Variants in MRAP observed in about 807,000 individuals in gnomAD.
The protein encoded by MRAP is melanocortin 2 receptor accessory protein.
MRAP carries 8 observed loss-of-function variants against 8.7 expected under a neutral mutation model. The ratio of observed to expected loss-of-function variants is 0.92; its 90% CI spans 0.54 to 1.66. MRAP has a LOEUF of 1.66. MRAP is among the 40% of genes most tolerant of loss of function. The pLI is 0.00. For synonymous variants in MRAP, 95 were observed against 95.5 expected (o/e 1.00, Z 0.03); for missense variants, 237 against 217.1 (o/e 1.09, Z -0.58).
intron 2 of MRAP, among the ~76,000 whole-genome samples, chr21:32,307,576 CAAAA>C (rs1175455972): frequency 6.6e-5 from 4 of 60,392 alleles, no homozygotes; most frequent in Admixed American, 1.9e-4. Flanking sequence ...GACTCCGTCT[CAAAA>C]AAAAAAAAAA....
In MRAP at chr21:32,301,691, GAGT is replaced by G. The variant is rs372774706; in HGVS notation, c.106+2618_106+2620del. On this transcript the variant is annotated intron_variant, in intron 1 of 2. Transcript: ENST00000303645. ...AGAGTAGGATGGGCTGATTTCCCTT[GAGT>G]AGTGCCTGGCTTAATGCTCTATTAT... Among the ~76,000 whole-genome samples, 62 of 152,258 alleles carry G rather than the reference GAGT, an allele frequency of 4.1e-4. 1 individual carries two copies. Among genetic ancestry groups the G allele is most frequent in the Middle Eastern group, 6.8e-3 (2 of 294 alleles).
intron 1 of MRAP, among the ~76,000 whole-genome samples, chr21:32,300,998 TGATATG>T (rs922677490): frequency 1.9e-4 from 26 of 140,422 alleles, no homozygotes; most frequent in African/African-American, 6.3e-4. Context: ...TCATGATATA[TGATATG>T]ATGATATATC....
chr21:32,303,818 G>T (rs989525850), intron 1 of MRAP, among the ~76,000 whole-genome samples: 6 of 152,242 alleles, frequency 3.9e-5, no homozygotes, highest in African/African-American at 1.4e-4. Context: ...AGAGGAAAAA[G>T]AATGATATTC....
Position 32,299,048 on chromosome 21 carries a change from T to C in MRAP, c.77T>C (p.Val26Ala). The change falls in exon 1 of 3, where the codon GTG becomes GCG. Residue 26 changes from valine to alanine, a missense_variant. Physicochemically the swap from Val to Ala is moderately conservative, Grantham distance 64. Coordinates refer to ENST00000303645, the MANE Select transcript of MRAP (RefSeq NM_001379228.1). ...YYLDYLDLIP[V>A]DEKKLKAHKH... is the part of the protein sequence containing the mutation. ...CTGGACTATCTGGACCTCATTCCCG[T>C]GGACGAGAAGAAGCTGAAAGCCCAC... 6.2e-7 allele frequency: 1 copy of C among 1,614,112 alleles called. No homozygotes were observed. The highest frequency in any genetic ancestry group is 8.5e-7 in the Non-Finnish European group (1 of 1,179,986).
rs2032424717 is a variant in MRAP at position 32,306,641 on chromosome 21, T to A, written c.108T>A (p.His36Gln). 1 of 1,613,958 alleles carries A rather than the reference T, an allele frequency of 6.2e-7. No homozygotes were observed. Among genetic ancestry groups the A allele is most frequent in the Non-Finnish European group, 8.5e-7 (1 of 1,179,850 alleles). ...GAGATGCATCTCCTCCTCCCGCAGA[T>A]TCCATCGTGATCGCATTCTGGGTGA... ...VDEKKLKAHK[H>Q]SIVIAFWVSL... is the part of the protein sequence containing the mutation. Residue 36 changes from histidine (H) to glutamine (Q), a missense_variant and splice_region_variant, in exon 2 of 3, where the codon CAT (histidine) becomes CAA (glutamine). Physicochemically the swap from His to Gln is conservative, Grantham distance 24 (BLOSUM62 0). Transcript: ENST00000303645.
rs867621684 is a variant in MRAP at position 32,304,968 on chromosome 21, T to G, written c.107-1672T>G. Among the ~76,000 whole-genome samples the G allele has an allele frequency of 2.8e-3, 155 of 54,594 alleles. 1 individual carries two copies. Among genetic ancestry groups the G allele is most frequent in the African/African-American group, 6.1e-3 (130 of 21,402 alleles). 35.8% of individuals were successfully genotyped at this position (54,594 alleles called of 152,430 possible). On this transcript the variant is annotated intron_variant, in intron 1 of 2. Coordinates refer to ENST00000303645, the MANE Select transcript of MRAP (RefSeq NM_001379228.1). ...AGGGGGATTTGTTTTTTTTGTTGTT[T>G]TTTTTTTTTTTTTTTTTTTTTTGAG...
chr21:32,307,884 C>CAA (rs1400657568), intron 2 of MRAP, among the ~76,000 whole-genome samples: 1 of 151,896 alleles, frequency 6.6e-6, no homozygotes, highest in African/African-American at 2.4e-5. Context: ...AACAAACAAA[C>CAA]AAAAAGTTCT....
chr21:32,304,222 T>C (rs960978246), intron 1 of MRAP, among the ~76,000 whole-genome samples: 2 of 152,198 alleles, frequency 1.3e-5, no homozygotes, highest in African/African-American at 2.4e-5. Flanking sequence ...TGCACTCTTT[T>C]ACTGTAAGGG....
At position 32,303,504 on chromosome 21, in the gene MRAP, G is replaced by A. The variant is rs1242319843; in HGVS notation, c.107-3136G>A. On this transcript the variant is annotated intron_variant, in intron 1 of 2. Coordinates refer to ENST00000303645, the MANE Select transcript of MRAP (RefSeq NM_001379228.1). ...ACCATTCCTGTCACTCCGCTGCTGA[G>A]GACTAATTCCCCTCATTCCACCAGT... Among the ~76,000 whole-genome samples, 3 of 152,208 alleles carry A rather than the reference G, an allele frequency of 2.0e-5. No homozygotes were observed. The East Asian group carries it at 5.8e-4, about 29-fold the overall frequency.
chr21:32,298,931 G>T lies in MRAP; in HGVS notation c.-41G>T, dbSNP rs370249420. 2.0e-6 allele frequency: 3 copies of T among 1,481,604 alleles called. No individual in the cohort carries two copies. Among genetic ancestry groups the T allele is most frequent in the South Asian group, 2.3e-5 (2 of 87,896 alleles). The allele number at this position is 1,481,604 out of a possible 1,614,324, so 91.8% of individuals were successfully genotyped here. ...AGGGGCTTGGCGCCTGGCTCGAGGCGAGGCTGCCGGCCCGGACGCTGACTG... is the reference window on the plus strand; with the variant it reads ...AGGGGCTTGGCGCCTGGCTCGAGGCTAGGCTGCCGGCCCGGACGCTGACTG... On this transcript the variant is annotated 5_prime_UTR_variant, in exon 1 of 3. Transcript: ENST00000303645.
At chr21:32,310,661 T>C (rs1568801809) in intron 2 of MRAP, among the ~76,000 whole-genome samples, 1 of 151,826 alleles carries the variant, frequency 6.6e-6, no homozygotes, top group Non-Finnish European at 1.5e-5. Context: ...TTTCTTTTTT[T>C]TTTTGAGACT....
At chr21:32,303,897 C>T (rs1055610828) in intron 1 of MRAP, among the ~76,000 whole-genome samples, 3 of 152,148 alleles carry the variant, frequency 2.0e-5, no homozygotes, top group African/African-American at 7.2e-5. Context: ...TATTGGCTGA[C>T]GATTGCCTTT....
intron 2 of MRAP, among the ~76,000 whole-genome samples, chr21:32,308,215 A>T (rs1251113941): frequency 6.6e-6 from 1 of 151,966 alleles, no homozygotes; most frequent in African/African-American, 2.4e-5. Flanking sequence ...TCTACTGAAA[A>T]TATTTTTAAA....
chr21:32,312,105 C>T lies in MRAP; in HGVS notation c.*109C>T, dbSNP rs886065757. 3.8e-6 allele frequency: 6 copies of T among 1,575,344 alleles called. No individual in the cohort carries two copies. In the South Asian group the frequency reaches 5.7e-5, roughly 15 times the overall value. Reference sequence around the variant, plus strand: ...CCATTTGCATGTAGCAGAAAGGGCACCTAGGTCAAGTGCAACTAGAGCAGG... The same window carrying T: ...CCATTTGCATGTAGCAGAAAGGGCATCTAGGTCAAGTGCAACTAGAGCAGG... On this transcript the variant is annotated 3_prime_UTR_variant, in exon 3 of 3. Coordinates refer to ENST00000303645, the MANE Select transcript of MRAP (RefSeq NM_001379228.1).
intron 1 of MRAP, among the ~76,000 whole-genome samples, chr21:32,304,243 G>A (rs1404454743): frequency 1.3e-5 from 2 of 152,180 alleles, no homozygotes; most frequent in East Asian, 1.9e-4. Flanking sequence ...TTGTAAAATA[G>A]ATTGTAACTC....
chr21:32,304,238 A>C (rs1271088639), intron 1 of MRAP, among the ~76,000 whole-genome samples: 1 of 152,222 alleles, frequency 6.6e-6, no homozygotes, highest in African/African-American at 2.4e-5. Flanking sequence ...AAGGGTTGTA[A>C]AATAGATTGT....
At position 32,312,198 on chromosome 21, in the gene MRAP, G is replaced by A; in HGVS notation, c.*202G>A. 6.7e-7 allele frequency: 1 copy of A among 1,487,716 alleles called. No homozygotes were observed. Among genetic ancestry groups the A allele is most frequent in the Non-Finnish European group, 8.9e-7 (1 of 1,121,186 alleles). 92.2% of individuals were successfully genotyped at this position (1,487,716 alleles called of 1,614,324 possible). On this transcript the variant is annotated 3_prime_UTR_variant, in exon 3 of 3. Coordinates refer to ENST00000303645, the MANE Select transcript of MRAP (RefSeq NM_001379228.1). Reference sequence around the variant, plus strand: ...TGCAGAGGTCATCCCAGGTGTTGCTGAGTTTATTGAGCACACCTAGCCTGC... The same window carrying A: ...TGCAGAGGTCATCCCAGGTGTTGCTAAGTTTATTGAGCACACCTAGCCTGC...
Position 32,311,906 on chromosome 21 carries a change from C to G in MRAP, c.429C>G (p.Leu143=). Residue 143 remains leucine (L), a synonymous_variant, in exon 3 of 3, where the codon CTC becomes CTG. Transcript: ENST00000303645. ...GTTTCCAGACCCACCCCACTCTCCT[C>G]TGGGAACTGACCCTCAATGGGGGTC... is the stretch of plus-strand genomic sequence containing the variant. ...LGGFQTHPTL[L]WELTLNGGPL... 1 of 1,613,932 alleles carries G rather than the reference C, an allele frequency of 6.2e-7. No individual in the cohort carries two copies. The highest frequency in any genetic ancestry group is 8.5e-7 in the Non-Finnish European group (1 of 1,180,030).
rs576953749 is a variant in MRAP, at chr21:32,309,353, CCGTGGTGT to C, written c.207-2329_207-2322del. Among the ~76,000 whole-genome samples, 10 of 152,272 alleles carry C rather than the reference CCGTGGTGT, an allele frequency of 6.6e-5. No homozygotes were observed. The East Asian group carries it at 1.7e-3, about 27-fold the overall frequency. Reference sequence around the variant, plus strand: ...TCCTCCCCGCCCCTGCCTGCCCTGCCCGTGGTGTCTCACCCACCAGGGCTACACTCGCC... The same window carrying C: ...TCCTCCCCGCCCCTGCCTGCCCTGCCCTCACCCACCAGGGCTACACTCGCC... On this transcript the variant is annotated intron_variant, in intron 2 of 2. Coordinates refer to ENST00000303645, the MANE Select transcript of MRAP (RefSeq NM_001379228.1).
Sources: gnomAD v4.1 joint callset for allele counts (sites outside exome capture counted in the v4.1 genomes callset) on GRCh38, gnomAD v4.1.1 for gene constraint, MANE v1.5 for transcripts, NCBI Gene and HGNC (gene_info 2026-07-23, HGNC 2026-07-21) for gene names.